The following ITPRID1 variants were observed in gnomAD, a reference collection of about 807,000 sequenced individuals.
ITPRID1 encodes ITPR interacting domain containing 1.
A neutral mutation model predicts 95.4 loss-of-function variants in ITPRID1; 96 were observed. The observed-to-expected ratio is 1.01, with a 90% confidence interval of 0.85 to 1.19. ITPRID1 has a LOEUF of 1.19. ITPRID1 is among the 50% of genes most tolerant of loss of function. The pLI is 0.00. For synonymous variants in ITPRID1, 510 were observed against 453.6 expected (o/e 1.12, Z -1.58); for missense variants, 1,339 against 1,252.9 (o/e 1.07, Z -1.04).
At chr7:31,625,275 A>G (rs988013913) in intron 10 of ITPRID1, among the ~76,000 whole-genome samples, 5 of 88,332 alleles carry the variant, frequency 5.7e-5, no homozygotes, top group Admixed American at 2.5e-4. Flanking sequence ...ATTACTGGGT[A>G]TATACCCAAA....
chr7:31,628,640 T>G (rs1167846491), intron 10 of ITPRID1, among the ~76,000 whole-genome samples: 11 of 151,964 alleles, frequency 7.2e-5, no homozygotes, highest in African/African-American at 2.7e-4. Flanking sequence ...GTATTTTTAG[T>G]AGAGACAGGG....
intron 10 of ITPRID1, among the ~76,000 whole-genome samples, chr7:31,634,556 G>A (rs530284704): frequency 6.6e-6 from 1 of 152,276 alleles, no homozygotes; most frequent in African/African-American, 2.4e-5. Context: ...TCAGACTCCA[G>A]TAGAGCAGGC....
intron 1 of ITPRID1, among the ~76,000 whole-genome samples, chr7:31,536,320 T>A (rs1200870767): frequency 1.3e-5 from 2 of 152,202 alleles, no homozygotes; most frequent in East Asian, 3.8e-4. Context: ...ATTCTTTTTG[T>A]GTTTTTTCCA....
chr7:31,628,448 CTTTTT>C (rs113407332), intron 10 of ITPRID1, among the ~76,000 whole-genome samples: 3 of 143,566 alleles, frequency 2.1e-5, no homozygotes, highest in Non-Finnish European at 3.1e-5. Flanking sequence ...AGCGTGATTC[CTTTTT>C]TTTTTTTCTT....
chr7:31,548,103 T>G (rs889731550), intron 1 of ITPRID1, among the ~76,000 whole-genome samples: 1 of 151,964 alleles, frequency 6.6e-6, no homozygotes, highest in Non-Finnish European at 1.5e-5. Context: ...ATGAGTAGAA[T>G]AGAGGTGATG....
chr7:31,599,481 G>A (rs1276097961), intron 10 of ITPRID1, among the ~76,000 whole-genome samples: 1 of 152,150 alleles, frequency 6.6e-6, no homozygotes, highest in Non-Finnish European at 1.5e-5. Flanking sequence ...GACTTCTACT[G>A]TATCTATGTT....
chr7:31,598,497 G>A (rs867592057), intron 10 of ITPRID1, among the ~76,000 whole-genome samples: 1 of 143,926 alleles, frequency 6.9e-6, no homozygotes, highest in Non-Finnish European at 1.5e-5. Flanking sequence ...TCCGCCTCCC[G>A]GGTTCAGGCC....
chr7:31,578,400 C>T lies in ITPRID1; in HGVS notation c.1136C>T (p.Ala379Val). The change falls in exon 9 of 15, where the codon GCA becomes GTA. Residue 379 changes from alanine (A) to valine (V), a missense_variant. Ala to Val is a moderately conservative substitution (Grantham distance 64). Transcript: ENST00000615280. ...TNKLKSLSHLAGKGPDSFEME... is the reference protein window; with the variant it reads ...TNKLKSLSHLVGKGPDSFEME... The stretch of plus-strand genomic sequence containing the variant: ...AAGCTCAAGAGCTTGTCTCATCTTG[C>T]AGGCAAAGGACCAGACTCATTTGAA... The T allele has an allele frequency of 6.2e-7, 1 of 1,611,566 alleles. No individual in the cohort carries two copies. The highest frequency in any genetic ancestry group is 1.7e-4 in the Middle Eastern group (1 of 6,038).
chr7:31,619,130 A>C (rs1349379638), intron 10 of ITPRID1, among the ~76,000 whole-genome samples: 1 of 152,176 alleles, frequency 6.6e-6, no homozygotes, highest in Admixed American at 6.5e-5. Context: ...ACAACATTTC[A>C]TTAGTCTTTC....
Position 31,552,485 on chromosome 7 carries a change from G to A in ITPRID1, c.-23-517G>A, listed in dbSNP as rs529880015. 3.9e-4 allele frequency among the ~76,000 whole-genome samples: 59 copies of A among 152,170 alleles called. 1 individual carries two copies. Among genetic ancestry groups the A allele is most frequent in the Admixed American group, 1.8e-3 (27 of 15,270 alleles). On this transcript the variant is annotated intron_variant, in intron 2 of 14. Transcript: ENST00000615280. ...CTGAGGTTAACAGTTATTAAAATTCGGTAGAGTGTATCGCCAGTTTAGAAA... is the reference window on the plus strand; with the variant it reads ...CTGAGGTTAACAGTTATTAAAATTCAGTAGAGTGTATCGCCAGTTTAGAAA...
At chr7:31,658,443 C>A (rs1020714538), downstream of ITPRID1, 3 of 1,399,740 alleles carry the variant, frequency 2.1e-6, no homozygotes, top group Non-Finnish European at 2.8e-6. Flanking sequence ...TAACACATGT[C>A]GAACAAAATA....
At chr7:31,555,978 C>T (rs930855817) in intron 5 of ITPRID1, among the ~76,000 whole-genome samples, 1 of 152,094 alleles carries the variant, frequency 6.6e-6, no homozygotes, top group Non-Finnish European at 1.5e-5. Context: ...CCTCTCTGCT[C>T]ATAATAATTC....
At chr7:31,519,205 C>T (rs1783139563) in intron 1 of ITPRID1, among the ~76,000 whole-genome samples, 1 of 151,940 alleles carries the variant, frequency 6.6e-6, no homozygotes, top group African/African-American at 2.4e-5. Flanking sequence ...AGATCATTAT[C>T]CAGGAAGGAA....
chr7:31,594,636 C>T (rs1282285454), intron 10 of ITPRID1, among the ~76,000 whole-genome samples: 1 of 152,016 alleles, frequency 6.6e-6, no homozygotes, highest in Non-Finnish European at 1.5e-5. Context: ...GCTGGTGGAT[C>T]ACCTGAGGTC....
At chr7:31,571,353 C>G (rs1446647225) in intron 6 of ITPRID1, among the ~76,000 whole-genome samples, 3 of 152,172 alleles carry the variant, frequency 2.0e-5, no homozygotes, top group Non-Finnish European at 2.9e-5. Context: ...GTAGCTAGAA[C>G]AAAGTTAGCA....
chr7:31,610,791 G>T (rs528440344), intron 10 of ITPRID1, among the ~76,000 whole-genome samples: 1 of 151,238 alleles, frequency 6.6e-6, no homozygotes, highest in Non-Finnish European at 1.5e-5. Flanking sequence ...GCTACGTTTT[G>T]GTTACTATTT....
At chr7:31,538,031 T>C (rs1364245612) in intron 1 of ITPRID1, among the ~76,000 whole-genome samples, 5 of 152,248 alleles carry the variant, frequency 3.3e-5, no homozygotes, top group African/African-American at 7.2e-5. Flanking sequence ...CAATTCATTA[T>C]TGATGGCCAT....
At chr7:31,521,412 A>G (rs929970497) in intron 1 of ITPRID1, among the ~76,000 whole-genome samples, 6 of 152,152 alleles carry the variant, frequency 3.9e-5, no homozygotes, top group South Asian at 2.1e-4. Flanking sequence ...GTTTGATTCT[A>G]TCATGGCATG....
intron 1 of ITPRID1, among the ~76,000 whole-genome samples, chr7:31,534,412 C>G (rs770552061): frequency 5.3e-5 from 8 of 152,124 alleles, no homozygotes; most frequent in Non-Finnish European, 7.4e-5. Context: ...TTTCTTTAGT[C>G]TTGCCAGTAT....
Sources: allele counts gnomAD v4.1 joint callset (sites outside exome capture counted in the v4.1 genomes callset), GRCh38; gene constraint gnomAD v4.1.1; transcripts MANE v1.5; gene names NCBI Gene and HGNC (gene_info 2026-07-23, HGNC 2026-07-21).